NEK1: variants seen among roughly 807,000 people sequenced by gnomAD.
NEK1 encodes the protein serine/threonine-protein kinase Nek1.
Under a neutral mutation model 182.1 loss-of-function variants are expected in NEK1, and 137 were observed. That is an observed-to-expected ratio of 0.75 (90% CI 0.65 to 0.87). The LOEUF (loss-of-function observed/expected upper bound fraction) is 0.87. Among genes scored for constraint, NEK1 ranks in the 40% least tolerant of loss-of-function variants. The pLI is 0.00. For missense variants in NEK1, 1,391 were observed against 1,494.4 expected (o/e 0.93, Z 1.14); for synonymous variants, 513 against 492.2 (o/e 1.04, Z -0.56).
intron 23 of NEK1, among the ~76,000 whole-genome samples, chr4:169,483,159 G>T (rs1748400633): frequency 6.6e-6 from 1 of 152,088 alleles, no homozygotes. Context: ...TTTGTCTTAG[G>T]GAATAAGATC....
intron 19 of NEK1, among the ~76,000 whole-genome samples, chr4:169,525,750 C>T (rs1424964297): frequency 6.6e-6 from 1 of 152,180 alleles, no homozygotes; most frequent in Non-Finnish European, 1.5e-5. Context: ...TGCCTGCCCC[C>T]ACTTTGCAAT....
rs567349587 is a variant in NEK1 at position 169,483,723 on chromosome 4, G to A, written c.2008-4189C>T. On this transcript the variant is annotated intron_variant, in intron 23 of 35. Coordinates refer to ENST00000507142, the MANE Select transcript of NEK1 (RefSeq NM_001199397.3). ...CTACTAAAAATACAAAAAATTGGCC[G>A]GGCATGGTGGTGTACACCTGTAGTC... Among the ~76,000 whole-genome samples, 35 of 151,948 alleles carry A rather than the reference G, an allele frequency of 2.3e-4. No individual in the cohort carries two copies. The South Asian group carries it at 5.2e-3, about 23-fold the overall frequency.
At chr4:169,462,518 T>G (rs983881891) in intron 27 of NEK1, among the ~76,000 whole-genome samples, 1 of 152,112 alleles carries the variant, frequency 6.6e-6, no homozygotes. Flanking sequence ...AATTCCATTA[T>G]TGAACATATC....
chr4:169,485,776 A>T (rs748240365), intron 23 of NEK1, among the ~76,000 whole-genome samples: 10 of 152,170 alleles, frequency 6.6e-5, no homozygotes, highest in Non-Finnish European at 1.2e-4. Flanking sequence ...AGCACTCAGG[A>T]GGCTGAGGCA....
chr4:169,395,812 T>G (rs980256179), intron 35 of NEK1, among the ~76,000 whole-genome samples: 1 of 152,196 alleles, frequency 6.6e-6, no homozygotes, highest in Non-Finnish European at 1.5e-5. Context: ...ACTCTGAAAT[T>G]GATGTGTATT....
At chr4:169,461,818 T>C (rs1744014678) in intron 27 of NEK1, among the ~76,000 whole-genome samples, 1 of 152,178 alleles carries the variant, frequency 6.6e-6, no homozygotes, top group Non-Finnish European at 1.5e-5. Flanking sequence ...GTTTTCATTT[T>C]TGTCTGTCCT....
intron 12 of NEK1, among the ~76,000 whole-genome samples, chr4:169,571,530 T>A (rs181946660): frequency 5.3e-5 from 8 of 152,322 alleles, no homozygotes; most frequent in African/African-American, 1.9e-4. Flanking sequence ...AAGGCTCTAT[T>A]CATAAAGCAA....
intron 18 of NEK1, among the ~76,000 whole-genome samples, chr4:169,551,341 T>C (rs1328767790): frequency 2.0e-5 from 3 of 152,242 alleles, no homozygotes; most frequent in African/African-American, 4.8e-5. Flanking sequence ...ATCAGGAACA[T>C]AGATGACCAA....
chr4:169,394,746 C>T (rs1396175130), intron 35 of NEK1, among the ~76,000 whole-genome samples: 1 of 152,170 alleles, frequency 6.6e-6, no homozygotes, highest in Non-Finnish European at 1.5e-5. Context: ...CCAATGTTAA[C>T]TTTATATAAA....
intron 18 of NEK1, among the ~76,000 whole-genome samples, chr4:169,549,136 A>G (rs1761018157): frequency 6.6e-6 from 1 of 152,158 alleles, no homozygotes; most frequent in African/African-American, 2.4e-5. Flanking sequence ...GTGGGTTGTG[A>G]AGACCGTCGG....
chr4:169,487,326 C>A (rs1245432309), intron 23 of NEK1, among the ~76,000 whole-genome samples: 1 of 152,158 alleles, frequency 6.6e-6, no homozygotes, highest in African/African-American at 2.4e-5. Flanking sequence ...CTCCACATCC[C>A]TCAAAAGCCC....
At chr4:169,395,414 T>C (rs1730517477) in intron 35 of NEK1, among the ~76,000 whole-genome samples, 1 of 152,204 alleles carries the variant, frequency 6.6e-6, no homozygotes, top group Admixed American at 6.5e-5. Context: ...GAACACTGAA[T>C]TGCTTATAGT....
intron 12 of NEK1, among the ~76,000 whole-genome samples, chr4:169,574,308 AGGGTTGGCG>A (rs1391810830): frequency 3.9e-5 from 6 of 152,164 alleles, no homozygotes; most frequent in African/African-American, 1.4e-4. Context: ...TCAAAAGACA[AGGGTTGGCG>A]GGGCGTGGTG....
intron 12 of NEK1, among the ~76,000 whole-genome samples, chr4:169,576,154 AG>A (rs1225399723): frequency 6.6e-6 from 1 of 151,804 alleles, no homozygotes; most frequent in Non-Finnish European, 1.5e-5. Flanking sequence ...TAGTAGAGAA[AG>A]GGTTTCACCA....
At chr4:169,593,167 AAG>A (rs1768827089) in intron 5 of NEK1, among the ~76,000 whole-genome samples, 1 of 152,174 alleles carries the variant, frequency 6.6e-6, no homozygotes, top group Non-Finnish European at 1.5e-5. Context: ...AAATTAATGA[AAG>A]AGCTCAGAGA....
rs772187321 is a variant in NEK1 at position 169,477,212 on chromosome 4, T to C, written c.2346A>G (p.Ser782=). Reference sequence around the variant, plus strand: ...CTGCCTCCCACTTCTTGCGATCAGATGAAACTGATTTTTCTTTTTCATGCT... The same window carrying C: ...CTGCCTCCCACTTCTTGCGATCAGACGAAACTGATTTTTCTTTTTCATGCT... ...AKEHEKEKSV[S]SDRKKWEAGG... is the part of the protein sequence containing the mutation. The change falls in exon 26 of 36, where the codon TCA becomes TCG. Residue 782 remains serine (S), a synonymous_variant. Transcript: ENST00000507142. 11 of 1,607,322 alleles carry C rather than the reference T, an allele frequency of 6.8e-6. No homozygotes were observed. The South Asian group carries it at 1.1e-4, about 16-fold the overall frequency.
At chr4:169,501,167 A>C (rs761087579) in intron 23 of NEK1, among the ~76,000 whole-genome samples, 2 of 152,256 alleles carry the variant, frequency 1.3e-5, no homozygotes, top group Non-Finnish European at 1.5e-5. Flanking sequence ...AAAGTACTAC[A>C]TAATGATAAA....
chr4:169,457,877 T>C (rs570446373), intron 27 of NEK1, among the ~76,000 whole-genome samples: 2 of 152,010 alleles, frequency 1.3e-5, no homozygotes, highest in African/African-American at 4.8e-5. Flanking sequence ...TAAAAAGATA[T>C]ACTATGATGA....
chr4:169,583,313 T>C (rs977023584), intron 10 of NEK1, among the ~76,000 whole-genome samples: 4 of 149,490 alleles, frequency 2.7e-5, no homozygotes, highest in African/African-American at 7.4e-5. Context: ...TAAGTAGATA[T>C]ATAGTACAAA....
Sources: allele counts gnomAD v4.1 joint callset (sites outside exome capture counted in the v4.1 genomes callset), GRCh38; gene constraint gnomAD v4.1.1; transcripts MANE v1.5; gene names NCBI Gene and HGNC (gene_info 2026-07-23, HGNC 2026-07-21).